The following OPTN variants were observed in gnomAD, a reference collection of about 807,000 sequenced individuals.
OPTN encodes the protein optineurin.
Under a neutral mutation model 70.4 loss-of-function variants are expected in OPTN, and 54 were observed. The observed-to-expected ratio is 0.77, with a 90% CI of 0.62 to 0.96. OPTN has a LOEUF of 0.96. Ranked by LOEUF, OPTN falls within the 40% of genes least tolerant of loss-of-function variation. The pLI is 0.00. For missense variants in OPTN, 624 were observed against 673.2 expected (o/e 0.93, Z 0.81); for synonymous variants, 256 against 248.5 (o/e 1.03, Z -0.28).
At chr10:13,104,449 A>G (rs201379407) in intron 1 of OPTN, 2 of 153,798 alleles carry the variant, frequency 1.3e-5, no homozygotes, top group Non-Finnish European at 2.6e-5. Context: ...TTTTTTTACT[A>G]TTACAAAATT....
chr10:13,114,791 T>TAATTATAC (rs1833094987), intron 5 of OPTN, among the ~76,000 whole-genome samples: 1 of 104,652 alleles, frequency 9.6e-6, no homozygotes, highest in African/African-American at 3.7e-5. Flanking sequence ...TATAATTATA[T>TAATTATAC]AATTATATAT....
At chr10:13,113,595 T>A (rs1403580941) in intron 5 of OPTN, among the ~76,000 whole-genome samples, 1 of 152,154 alleles carries the variant, frequency 6.6e-6, no homozygotes, top group African/African-American at 2.4e-5. Context: ...CAACTGTGCC[T>A]GGGCATAGGG....
At position 13,118,910 on chromosome 10, in the gene OPTN, A is replaced by T; in HGVS notation, c.649A>T (p.Arg217Ter). ...CAGGGCATTGTCTAAATATAGGAGCAGATCTGCAGATGGGGCCAAGAATTA... is the reference window on the plus strand; with the variant it reads ...CAGGGCATTGTCTAAATATAGGAGCTGATCTGCAGATGGGGCCAAGAATTA... ...TGTALSKYRS[R>*]SADGAKNYFE... Residue 217 changes from arginine (R) to a stop codon, truncating the protein, a stop_gained, in exon 7 of 15, where the codon AGA becomes TGA. Transcript: ENST00000378747. LOFTEE classifies it high-confidence loss of function. The T allele has an allele frequency of 1.2e-6, 2 of 1,614,164 alleles. No homozygotes were observed. The highest frequency in any genetic ancestry group is 1.7e-6 in the Non-Finnish European group (2 of 1,179,988).
chr10:13,109,086 A>G (rs780766240), intron 2 of OPTN, 26 bp from the exon 3 acceptor site: 95 of 1,611,934 alleles, frequency 5.9e-5, no homozygotes, highest in Non-Finnish European at 7.7e-5. Flanking sequence ...GGACAGCTCT[A>G]TTTTCAACAG....
chr10:13,133,473 A>G lies in OPTN; in HGVS notation c.1533-29A>G, dbSNP rs1316487373. 1.9e-6 allele frequency: 3 copies of G among 1,606,596 alleles called. No homozygotes were observed. In the African/African-American group the frequency reaches 4.0e-5, roughly 22 times the overall value. ...TCATGTTTCGGGGTTGTAGAACATC[A>G]CACAGCGTGTTGCTTTTCGTCCTGG... On this transcript the variant is annotated intron_variant, in intron 13 of 14. Transcript: ENST00000378747.
At chr10:13,120,516 A>G (rs1833322926) in intron 7 of OPTN, among the ~76,000 whole-genome samples, 2 of 151,652 alleles carry the variant, frequency 1.3e-5, no homozygotes, top group East Asian at 1.9e-4. Context: ...GCGGTGGCCA[A>G]AATTACAGTT....
chr10:13,126,288 T>TTC (rs1833460215), intron 11 of OPTN, among the ~76,000 whole-genome samples: 1 of 150,294 alleles, frequency 6.7e-6, no homozygotes, highest in Non-Finnish European at 1.5e-5. Context: ...TATTTCTTTT[T>TTC]TTTTTTTTTT....
At position 13,133,491 on chromosome 10, in the gene OPTN, C is replaced by T. The variant is rs1300701436; in HGVS notation, c.1533-11C>T. 10 of 1,613,294 alleles carry T rather than the reference C, an allele frequency of 6.2e-6. No homozygotes were observed. Among genetic ancestry groups the T allele is most frequent in the South Asian group, 4.4e-5 (4 of 91,054 alleles). On this transcript the variant is annotated splice_polypyrimidine_tract_variant and intron_variant, in intron 13 of 14. Coordinates refer to ENST00000378747, the MANE Select transcript of OPTN (RefSeq NM_001008212.2). ...GAACATCACACAGCGTGTTGCTTTTCGTCCTGGCAGGCAGTCCTTGATGGA... is the reference window on the plus strand; with the variant it reads ...GAACATCACACAGCGTGTTGCTTTTTGTCCTGGCAGGCAGTCCTTGATGGA...
At chr10:13,130,300 C>T (rs376975336) in intron 12 of OPTN, among the ~76,000 whole-genome samples, 8 of 151,860 alleles carry the variant, frequency 5.3e-5, no homozygotes, top group African/African-American at 1.9e-4. Context: ...TGGCGGGCAC[C>T]TGTAGTCCCA....
chr10:13,110,385 CA>C lies in OPTN; in HGVS notation c.282del (p.Glu95SerfsTer3), dbSNP rs1215742099. 1 of 1,613,962 alleles carries C rather than the reference CA, an allele frequency of 6.2e-7. No homozygotes were observed. The highest frequency in any genetic ancestry group is 8.5e-7 in the Non-Finnish European group (1 of 1,179,994). Reference sequence around the variant, plus strand: ...TTTTTTGAGATACAGAGCAAAGAAGCAAAAGAGCGTCTAATGGCCTTGAGTC... The same window carrying C: ...TTTTTTGAGATACAGAGCAAAGAAGCAAAGAGCGTCTAATGGCCTTGAGTC... ...RQFFEIQSKE[A>X]KERLMALSHE... On this transcript the variant is annotated frameshift_variant, in exon 4 of 15. Transcript: ENST00000378747. LOFTEE classifies it high-confidence loss of function.
intron 11 of OPTN, among the ~76,000 whole-genome samples, chr10:13,126,603 G>T (rs1423724036): frequency 6.6e-6 from 1 of 152,058 alleles, no homozygotes; most frequent in East Asian, 1.9e-4. Flanking sequence ...TCTAAGGATA[G>T]GTTTGTAGGA....
chr10:13,121,500 TAAAAAAAA>T (rs200687404), intron 7 of OPTN, among the ~76,000 whole-genome samples: 6 of 90,880 alleles, frequency 6.6e-5, no homozygotes, highest in African/African-American at 1.9e-4. Context: ...GATTATCCTG[TAAAAAAAA>T]AAAAAAAAAA....
Position 13,130,984 on chromosome 10 carries a change from A to G in OPTN, c.1402-1083A>G, listed in dbSNP as rs180849636. Among the ~76,000 whole-genome samples the G allele has an allele frequency of 3.6e-3, 555 of 152,228 alleles. 3 individuals are homozygous for G. Among genetic ancestry groups the G allele is most frequent in the African/African-American group, 0.012 (519 of 41,536 alleles). ...ACCCAGGCTGGAGTGCAGTCGCATG[A>G]TCGTGGTTCACTGCAACCTCTATTT... On this transcript the variant is annotated intron_variant, in intron 12 of 14. Coordinates refer to ENST00000378747, the MANE Select transcript of OPTN (RefSeq NM_001008212.2).
chr10:13,125,422 C>T lies in OPTN; in HGVS notation c.1003C>T (p.Gln335Ter), dbSNP rs746420444. The change falls in exon 10 of 15, where the codon CAG (glutamine) becomes TAG (stop). Residue 335 changes from glutamine to a stop codon, truncating the protein, a stop_gained. Coordinates refer to ENST00000378747, the MANE Select transcript of OPTN (RefSeq NM_001008212.2). LOFTEE classifies it high-confidence loss of function. Reference sequence around the variant, plus strand: ...TGAAATCTTGACCTTTCTTAGGTGTCAGGCCCTTGAAAGGAAAAATTCTGC... The same window carrying T: ...TGAAATCTTGACCTTTCTTAGGTGTTAGGCCCTTGAAAGGAAAAATTCTGC... ...LMKKRLQEKCQALERKNSAIP... is the reference protein window; with the variant it reads ...LMKKRLQEKC 24 of 1,614,022 alleles carry T rather than the reference C, an allele frequency of 1.5e-5. No individual in the cohort carries two copies. Among genetic ancestry groups the T allele is most frequent in the Non-Finnish European group, 1.9e-5 (23 of 1,179,958 alleles).
In OPTN at chr10:13,137,232, C is replaced by T. The variant is rs920293931; in HGVS notation, c.*366C>T. ...AAGTGGCAGTTGCAGTGAGCCGAGA[C>T]GACACCACTGCACTCCAGCCTGGGT... On this transcript the variant is annotated 3_prime_UTR_variant, in exon 15 of 15. Transcript: ENST00000378747. The T allele has an allele frequency of 4.3e-5, 17 of 396,612 alleles. No individual in the cohort carries two copies. Among genetic ancestry groups the T allele is most frequent in the South Asian group, 2.2e-4 (9 of 41,182 alleles). 24.6% of individuals were successfully genotyped at this position (396,612 alleles called of 1,614,324 possible).
intron 5 of OPTN, among the ~76,000 whole-genome samples, chr10:13,115,217 A>T (rs1368534188): frequency 1.1e-5 from 1 of 88,924 alleles, no homozygotes; most frequent in African/African-American, 4.3e-5. Context: ...ATTTATATAT[A>T]TATTTATATA....
intron 6 of OPTN, among the ~76,000 whole-genome samples, chr10:13,118,166 G>A (rs1295560680): frequency 6.6e-6 from 1 of 152,190 alleles, no homozygotes; most frequent in Non-Finnish European, 1.5e-5. Flanking sequence ...TCCAGGTTTG[G>A]AGTTGAAGCT....
intron 12 of OPTN, among the ~76,000 whole-genome samples, chr10:13,128,870 C>G (rs921137234): frequency 2.0e-5 from 3 of 152,010 alleles, no homozygotes; most frequent in Admixed American, 1.3e-4. Flanking sequence ...GTAATGACTT[C>G]TATGTATACT....
Position 13,137,743 on chromosome 10 carries a change from CA to C in OPTN, c.*879del. 4.4e-6 allele frequency: 1 copy of C among 229,372 alleles called. No individual in the cohort carries two copies. Among genetic ancestry groups the C allele is most frequent in the East Asian group, 6.2e-5 (1 of 16,038 alleles). 14.2% of individuals were successfully genotyped at this position (229,372 alleles called of 1,614,324 possible). ...AGTTAGCCTTTACTTAATATCAAGA[CA>C]AGTGAAAAAATATTGGCATCGATGA... On this transcript the variant is annotated 3_prime_UTR_variant, in exon 15 of 15. Transcript: ENST00000378747.
Sources: gnomAD v4.1 joint callset for allele counts (sites outside exome capture counted in the v4.1 genomes callset) on GRCh38, gnomAD v4.1.1 for gene constraint, MANE v1.5 for transcripts, NCBI Gene and HGNC (gene_info 2026-07-23, HGNC 2026-07-21) for gene names.